The following STK17B variants were observed in gnomAD, a reference collection of about 807,000 sequenced individuals.
STK17B encodes serine/threonine kinase 17b, also known as serine/threonine-protein kinase 17B.
A neutral mutation model predicts 42.0 loss-of-function variants in STK17B; 21 were observed. The observed-to-expected ratio is 0.50, with a 90% CI of 0.35 to 0.72. The LOEUF is 0.72. Among genes scored for constraint, STK17B ranks in the 30% least tolerant of loss-of-function variants. STK17B has a pLI of 0.00. For missense variants in STK17B, 349 were observed against 446.0 expected (o/e 0.78, Z 1.96); for synonymous variants, 143 against 148.4 (o/e 0.96, Z 0.26).
At chr2:196,149,503 A>C (rs1699633585) in intron 3 of STK17B, among the ~76,000 whole-genome samples, 1 of 152,176 alleles carries the variant, frequency 6.6e-6, no homozygotes, top group Non-Finnish European at 1.5e-5. Context: ...CATTAATTGC[A>C]AATCTAGCCA....
chr2:196,147,574 T>C (rs182795297), intron 3 of STK17B, among the ~76,000 whole-genome samples: 137 of 152,248 alleles, frequency 9.0e-4, no homozygotes, highest in African/African-American at 3.1e-3. Flanking sequence ...GTAAGCCAGT[T>C]AGAAGCCGCA....
At chr2:196,163,241 C>T (rs137905487) in intron 2 of STK17B, 21 bp downstream of exon 2, 7 of 1,606,474 alleles carry the variant, frequency 4.4e-6, no homozygotes, top group African/African-American at 1.3e-5. Flanking sequence ...AGATGGCATA[C>T]ACGTCATATG....
chr2:196,155,885 T>C (rs1201703491), intron 3 of STK17B, among the ~76,000 whole-genome samples: 3 of 152,168 alleles, frequency 2.0e-5, no homozygotes, highest in Non-Finnish European at 4.4e-5. Context: ...AAGAGATATA[T>C]TTATTATTGC....
rs1463033523 is a variant in STK17B, at chr2:196,136,667, T to C, written c.*780A>G. ...AACTATACCTAAGTATCTTCTACTC[T>C]AGAAATTCTGGAGGATTAAAAAACT... On this transcript the variant is annotated 3_prime_UTR_variant, in exon 8 of 8. Transcript: ENST00000263955. 6.6e-6 allele frequency: 1 copy of C among 152,204 alleles called. No homozygotes were observed. The highest frequency in any genetic ancestry group is 2.4e-5 in the African/African-American group (1 of 41,454). 9.4% of individuals were successfully genotyped at this position (152,204 alleles called of 1,614,324 possible). A position where few individuals can be genotyped will look rare whatever the true frequency, so the allele number is the denominator to read the frequency against.
chr2:196,141,118 A>G, intron 6 of STK17B, 131 bp downstream of exon 6: 1 of 681,438 alleles, frequency 1.5e-6, no homozygotes, highest in South Asian at 1.8e-5. Context: ...TTCCTGTAGC[A>G]TAATAATGAT....
chr2:196,159,549 C>T (rs762443250), intron 2 of STK17B, among the ~76,000 whole-genome samples: 3 of 152,046 alleles, frequency 2.0e-5, no homozygotes, highest in Non-Finnish European at 4.4e-5. Flanking sequence ...TGGGCTCAAA[C>T]GATTCTCCTG....
intron 2 of STK17B, among the ~76,000 whole-genome samples, chr2:196,161,469 T>C (rs1241629357): frequency 6.6e-6 from 1 of 151,732 alleles, no homozygotes; most frequent in Non-Finnish European, 1.5e-5. Flanking sequence ...TGAAATGTGC[T>C]TTTGTATTTA....
At chr2:196,153,092 T>C (rs1195200866) in intron 3 of STK17B, 1 of 152,050 alleles carries the variant, frequency 6.6e-6, no homozygotes, top group Non-Finnish European at 1.5e-5. Context: ...GCCACATTTT[T>C]TTAAGTTTTG....
At position 196,137,325 on chromosome 2, in the gene STK17B, A is replaced by G. The variant is rs184291788; in HGVS notation, c.*122T>C. 1.4e-4 allele frequency: 159 copies of G among 1,100,028 alleles called. 1 individual carries two copies. In the African/African-American group the frequency reaches 2.3e-3, roughly 16 times the overall value. 68.1% of individuals were successfully genotyped at this position (1,100,028 alleles called of 1,614,324 possible). ...ATTTAACATTAAAACACTTCCCTAA[A>G]TTATTCCATGGAAAAGTGCATTTAC... is the stretch of plus-strand genomic sequence containing the variant. On this transcript the variant is annotated 3_prime_UTR_variant, in exon 8 of 8. Transcript: ENST00000263955.
intron 1 of STK17B, among the ~76,000 whole-genome samples, chr2:196,168,037 AATG>A (rs149962146): frequency 4.1e-4 from 62 of 152,334 alleles, no homozygotes; most frequent in Admixed American, 7.2e-4. Context: ...TCAAGATGGA[AATG>A]ATGATGATTT....
chr2:196,174,617 C>T (rs147647581), upstream of STK17B, among the ~76,000 whole-genome samples: 12 of 152,328 alleles, frequency 7.9e-5, 1 homozygote, highest in East Asian at 2.3e-3. Context: ...AGGGGCGTGG[C>T]TCAACCCCCC....
chr2:196,142,848 A>G (rs577787189), intron 5 of STK17B, among the ~76,000 whole-genome samples: 48 of 152,362 alleles, frequency 3.2e-4, no homozygotes, highest in Non-Finnish European at 5.7e-4. Context: ...CAATGTCCAC[A>G]TGGGGACATC....
In STK17B at chr2:196,137,453, G is replaced by C; in HGVS notation, c.1113C>G (p.Leu371=). ...PNPHELVSDL[L]C is the part of the protein sequence containing the mutation. ...TGAGTCAAAGAAAAAAGTGCTAACA[G>C]AGCAAATCTGAAACAAGTTCATGGG... The change falls in exon 8 of 8, where the codon CTC becomes CTG. Residue 371 remains leucine (L), a synonymous_variant. Transcript: ENST00000263955. 6.2e-7 allele frequency: 1 copy of C among 1,613,378 alleles called. No individual in the cohort carries two copies. Among genetic ancestry groups the C allele is most frequent in the African/African-American group, 1.3e-5 (1 of 74,994 alleles).
upstream of STK17B, among the ~76,000 whole-genome samples, chr2:196,173,806 G>A (rs1057092683): frequency 6.6e-6 from 1 of 152,136 alleles, no homozygotes; most frequent in South Asian, 2.1e-4. Context: ...GTTGTTATGG[G>A]CTCAGTTGTG....
Position 196,138,181 on chromosome 2 carries a change from C to T in STK17B, c.837-452G>A, listed in dbSNP as rs566881160. 1.2e-3 allele frequency among the ~76,000 whole-genome samples: 188 copies of T among 152,286 alleles called. 1 individual carries two copies. The highest frequency in any genetic ancestry group is 4.3e-3 in the African/African-American group (177 of 41,552). On this transcript the variant is annotated intron_variant, in intron 7 of 7. Coordinates refer to ENST00000263955, the MANE Select transcript of STK17B (RefSeq NM_004226.4). ...GTTTTCTCATTCCCCAATCCCACTT[C>T]CAGATATTTTTTCTACATATATGTG...
intron 1 of STK17B, among the ~76,000 whole-genome samples, chr2:196,164,038 CAATA>C (rs60492880): frequency 0.08 from 11,749 of 146,110 alleles, 620 homozygotes; most frequent in Middle Eastern, 0.12. Flanking sequence ...GATCTTATCT[CAATA>C]AATAAATAAA....
At chr2:196,171,655 G>C (rs951911360), upstream of STK17B, 1 of 151,742 alleles carries the variant, frequency 6.6e-6, no homozygotes, top group Non-Finnish European at 1.5e-5. Flanking sequence ...ATCGGAACGG[G>C]TGCGGAGGGT....
Position 196,137,373 on chromosome 2 carries a change from A to C in STK17B, c.*74T>G. ...TACAATATAAACATGTCATATATGA[A>C]GCTACAAATCATAATCTCACTGGAG... is the stretch of plus-strand genomic sequence containing the variant. On this transcript the variant is annotated 3_prime_UTR_variant, in exon 8 of 8. Coordinates refer to ENST00000263955, the MANE Select transcript of STK17B (RefSeq NM_004226.4). The C allele has an allele frequency of 6.9e-7, 1 of 1,448,338 alleles. No homozygotes were observed. Among genetic ancestry groups the C allele is most frequent in the East Asian group, 2.3e-5 (1 of 43,660 alleles). The allele number at this position is 1,448,338 out of a possible 1,614,324, so 89.7% of individuals were successfully genotyped here.
Position 196,136,766 on chromosome 2 carries a change from A to C in STK17B, c.*681T>G, listed in dbSNP as rs553322961. On this transcript the variant is annotated 3_prime_UTR_variant, in exon 8 of 8. Coordinates refer to ENST00000263955, the MANE Select transcript of STK17B (RefSeq NM_004226.4). ...CAAGTAGGTTGGGAGGAGGAAAAAG[A>C]CATTTGCGTTAAAATACGAAGGCAT... The C allele has an allele frequency of 6.6e-6, 1 of 152,320 alleles. No homozygotes were observed. The highest frequency in any genetic ancestry group is 6.5e-5 in the Admixed American group (1 of 15,296). The allele number at this position is 152,320 out of a possible 1,614,324, so 9.4% of individuals were successfully genotyped here.
Sources: allele counts gnomAD v4.1 joint callset (sites outside exome capture counted in the v4.1 genomes callset), GRCh38; gene constraint gnomAD v4.1.1; transcripts MANE v1.5; gene names NCBI Gene and HGNC (gene_info 2026-07-23, HGNC 2026-07-21).